HNF4G: variants seen among roughly 807,000 people sequenced by gnomAD.
The protein encoded by HNF4G is hepatocyte nuclear factor 4-gamma.
A neutral mutation model predicts 50.9 loss-of-function variants in HNF4G; 21 were observed. The observed-to-expected ratio is 0.41, with a 90% CI of 0.29 to 0.59. HNF4G has a LOEUF of 0.59. Ranked by LOEUF, HNF4G falls within the 20% of genes least tolerant of loss-of-function variation. The pLI is 0.26. For missense variants in HNF4G, 527 were observed against 559.4 expected (o/e 0.94, Z 0.58); for synonymous variants, 198 against 185.6 (o/e 1.07, Z -0.54).
intron 9 of HNF4G, among the ~76,000 whole-genome samples, chr8:75,563,138 T>C (rs1026573795): frequency 2.6e-5 from 4 of 152,108 alleles, no homozygotes; most frequent in African/African-American, 9.7e-5. Context: ...CATCAAACAT[T>C]TTCTGTTAGT....
At chr8:75,486,594 A>T (rs1409927454) in intron 1 of HNF4G, among the ~76,000 whole-genome samples, 1 of 152,214 alleles carries the variant, frequency 6.6e-6, no homozygotes, top group Non-Finnish European at 1.5e-5. Context: ...ATTTCAGTTC[A>T]TCTGTACCTT....
At chr8:75,542,633 CG>C (rs1427270406) in intron 1 of HNF4G, among the ~76,000 whole-genome samples, 1 of 150,378 alleles carries the variant, frequency 6.6e-6, no homozygotes, top group African/African-American at 2.5e-5. Context: ...GGGAGTTTTA[CG>C]GGGGTTTGAC....
At chr8:75,475,948 T>A (rs940678231) in intron 1 of HNF4G, among the ~76,000 whole-genome samples, 2 of 152,110 alleles carry the variant, frequency 1.3e-5, no homozygotes, top group Admixed American at 1.3e-4. Context: ...ATTTTTAAAA[T>A]TTTTTTTATT....
At chr8:75,475,336 C>T (rs993755805) in intron 1 of HNF4G, among the ~76,000 whole-genome samples, 1 of 152,146 alleles carries the variant, frequency 6.6e-6, no homozygotes, top group African/African-American at 2.4e-5. Context: ...AAAACCATGG[C>T]TTAAGTTATT....
chr8:75,491,182 A>G (rs563862112), intron 2 of HNF4G, among the ~76,000 whole-genome samples: 1 of 152,300 alleles, frequency 6.6e-6, no homozygotes, highest in Admixed American at 6.5e-5. Flanking sequence ...AATAACATCT[A>G]TCCCAAGGAT....
chr8:75,509,025 A>C (rs1009780438), intron 2 of HNF4G, among the ~76,000 whole-genome samples: 3 of 152,192 alleles, frequency 2.0e-5, no homozygotes, highest in Non-Finnish European at 4.4e-5. Flanking sequence ...ACAAACAGAA[A>C]ATTACAGAAA....
chr8:75,502,649 A>G (rs2130708294), intron 2 of HNF4G, among the ~76,000 whole-genome samples: 1 of 152,318 alleles, frequency 6.6e-6, no homozygotes, highest in African/African-American at 2.4e-5. Context: ...GTCTTTTAAT[A>G]TTTGGTATAG....
rs191343036 is a variant in HNF4G at position 75,560,719 on chromosome 8, G to C, written c.1246+253G>C. Among the ~76,000 whole-genome samples the C allele has an allele frequency of 3.4e-4, 51 of 152,224 alleles. No homozygotes were observed. The East Asian group carries it at 9.3e-3, about 28-fold the overall frequency. ...CTGGGGAGCACAAAAGAGTATACAA[G>C]TAGTCCTTGCTTTGCATGGTAGTGT... On this transcript the variant is annotated intron_variant, in intron 9 of 9. Coordinates refer to ENST00000396423, the MANE Select transcript of HNF4G (RefSeq NM_004133.5).
intron 2 of HNF4G, among the ~76,000 whole-genome samples, chr8:75,503,904 T>C (rs1221869085): frequency 4.6e-5 from 7 of 152,238 alleles, no homozygotes; most frequent in Non-Finnish European, 8.8e-5. Context: ...CTAGGAGTCA[T>C]TGTGGGTTAT....
rs1227699819 is a variant in HNF4G, at chr8:75,539,903, C to A, written c.-60C>A. ...CTCACAGATTGAAAGCAAAACACATCAAAACACTCATCACGCACTCTGGGC... is the reference window on the plus strand; with the variant it reads ...CTCACAGATTGAAAGCAAAACACATAAAAACACTCATCACGCACTCTGGGC... On this transcript the variant is annotated 5_prime_UTR_variant, in exon 1 of 10. Transcript: ENST00000396423. 3 of 783,564 alleles carry A rather than the reference C, an allele frequency of 3.8e-6. No homozygotes were observed. The highest frequency in any genetic ancestry group is 6.8e-6 in the Non-Finnish European group (3 of 444,310). The allele number at this position is 783,564 out of a possible 1,614,324, so 48.5% of individuals were successfully genotyped here.
At chr8:75,474,911 T>A (rs959381438) in intron 1 of HNF4G, among the ~76,000 whole-genome samples, 2 of 152,018 alleles carry the variant, frequency 1.3e-5, no homozygotes, top group Admixed American at 1.3e-4. Flanking sequence ...TTGGCCAGGA[T>A]GGTCTTGATC....
intron 1 of HNF4G, among the ~76,000 whole-genome samples, chr8:75,442,938 C>G (rs1238218902): frequency 6.6e-6 from 1 of 152,166 alleles, no homozygotes; most frequent in African/African-American, 2.4e-5. Context: ...TCACACTCTA[C>G]TATGTATTGC....
At chr8:75,451,760 T>C (rs1811590213) in intron 1 of HNF4G, among the ~76,000 whole-genome samples, 1 of 152,208 alleles carries the variant, frequency 6.6e-6, no homozygotes, top group Non-Finnish European at 1.5e-5. Flanking sequence ...GTAGTAGATT[T>C]TAAAATCAAG....
chr8:75,531,221 TAAAAATGTAATAGAAGA>T (rs1366656917), intron 2 of HNF4G, among the ~76,000 whole-genome samples: 4 of 152,134 alleles, frequency 2.6e-5, no homozygotes, highest in African/African-American at 7.2e-5. Context: ...AAACAAGCTA[TAAAAATGTAATAGAAGA>T]ATTCTCTCTT....
intron 1 of HNF4G, among the ~76,000 whole-genome samples, chr8:75,430,804 AT>A (rs1189393290): frequency 6.6e-6 from 1 of 152,178 alleles, no homozygotes; most frequent in Non-Finnish European, 1.5e-5. Context: ...AGGATATGAG[AT>A]TGCATTAAAA....
intron 1 of HNF4G, among the ~76,000 whole-genome samples, chr8:75,433,735 A>G (rs936989331): frequency 3.9e-5 from 6 of 152,066 alleles, no homozygotes; most frequent in Non-Finnish European, 4.4e-5. Context: ...ATGCAAGTAT[A>G]ATGTCGAAAT....
rs1806269845 is a variant in HNF4G at position 75,529,402 on chromosome 8, C to A, written c.-23-14409C>A. On this transcript the variant is annotated intron_variant, in intron 2 of 10. Coordinates refer to the HNF4G transcript ENST00000354370. ...CCCTCGACACATGGGTATTACAATT[C>A]GAGATGAGATTTGGGTGGAGACCCA... Among the ~76,000 whole-genome samples, 3 of 152,010 alleles carry A rather than the reference C, an allele frequency of 2.0e-5. No individual in the cohort carries two copies. The South Asian group carries it at 6.2e-4, about 31-fold the overall frequency.
chr8:75,434,818 A>G (rs1181258660), intron 1 of HNF4G, among the ~76,000 whole-genome samples: 1 of 152,218 alleles, frequency 6.6e-6, no homozygotes, highest in Admixed American at 6.5e-5. Context: ...AACATTTAAA[A>G]TAGTAGTTGT....
At chr8:75,429,463 C>T (rs1384080025) in intron 1 of HNF4G, among the ~76,000 whole-genome samples, 2 of 151,988 alleles carry the variant, frequency 1.3e-5, no homozygotes, top group African/African-American at 4.8e-5. Context: ...TTACCATTGT[C>T]CCTACTTCTA....
Sources: gnomAD v4.1 joint callset for allele counts (sites outside exome capture counted in the v4.1 genomes callset) on GRCh38, gnomAD v4.1.1 for gene constraint, MANE v1.5 for transcripts, NCBI Gene and HGNC (gene_info 2026-07-23, HGNC 2026-07-21) for gene names.